Variants in DOC2B observed in about 807,000 individuals in gnomAD.
DOC2B encodes double C2 domain beta.
DOC2B carries 21 observed loss-of-function variants against 28.9 expected under a neutral mutation model. The observed-to-expected ratio is 0.73, with a 90% confidence interval of 0.52 to 1.05. DOC2B has a LOEUF of 1.05. Among genes scored for constraint, DOC2B ranks in the 50% least tolerant of loss-of-function variants. The pLI, the probability that DOC2B is intolerant of heterozygous loss-of-function variation, is 0.00. For missense variants in DOC2B, 384 were observed against 421.1 expected (o/e 0.91, Z 0.77); for synonymous variants, 194 against 178.1 (o/e 1.09, Z -0.71).
intron 3 of DOC2B, among the ~76,000 whole-genome samples, chr17:162,673 C>T (rs747706116): frequency 2.0e-5 from 3 of 152,238 alleles, no homozygotes; most frequent in Non-Finnish European, 4.4e-5. Context: ...CGAGAGTAAA[C>T]GCGCTGCTTT....
chr17:162,030 G>T, intron 4 of DOC2B, 51 bp downstream of exon 4: 1 of 1,304,986 alleles, frequency 7.7e-7, no homozygotes, highest in Non-Finnish European at 1.1e-6. Flanking sequence ...GGAAAAGCCG[G>T]GTGGGAGTAG....
Position 181,172 on chromosome 17 carries a change from G to C in DOC2B, c.308C>G (p.Ala103Gly). 1 of 1,252,346 alleles carries C rather than the reference G, an allele frequency of 8.0e-7. No individual in the cohort carries two copies. The highest frequency in any genetic ancestry group is 1.0e-6 in the Non-Finnish European group (1 of 999,492). The allele number at this position is 1,252,346 out of a possible 1,614,324, so 77.6% of individuals were successfully genotyped here. ...CTCCGGCGGCTTGGCTGGCGGCCGC[G>C]CGGGGCTGGGACCCGGGCTGGGGCC... ...SPGPSPGPSP[A>G]RPPAKPPEDE... is the part of the protein sequence containing the mutation. The change falls in exon 1 of 9, where the codon GCG becomes GGG. Residue 103 changes from alanine (A) to glycine (G), a missense_variant. Transcript: ENST00000613549. The surrounding 1 kb of genome is among the most constrained non-coding windows in gnomAD (Gnocchi z 7.0).
At chr17:156,130 G>A in intron 6 of DOC2B, 90 bp downstream of exon 6, 1 of 1,413,536 alleles carries the variant, frequency 7.1e-7, no homozygotes, top group Non-Finnish European at 9.4e-7. Flanking sequence ...CTCCCTGGGT[G>A]CCTGCCACCT....
intron 6 of DOC2B, among the ~76,000 whole-genome samples, chr17:151,839 C>G (rs1461698610): frequency 6.6e-6 from 1 of 152,208 alleles, no homozygotes; most frequent in Non-Finnish European, 1.5e-5. Context: ...ACCAGACTTC[C>G]ACGACAGGCT....
intron 5 of DOC2B, 136 bp downstream of exon 5, chr17:161,279 C>T (rs977380617): frequency 1.1e-6 from 1 of 934,594 alleles, no homozygotes; most frequent in Non-Finnish European, 1.6e-6. Flanking sequence ...CCCCTTGACT[C>T]TCCATGCTCA....
At chr17:173,227 G>A in intron 1 of DOC2B, among the ~76,000 whole-genome samples, 1 of 152,230 alleles carries the variant, frequency 6.6e-6, no homozygotes, top group African/African-American at 2.4e-5. Flanking sequence ...GGAGGGTGCA[G>A]CCATAATTGG....
intron 3 of DOC2B, 67 bp downstream of exon 3, chr17:164,063 C>T (rs908459686): frequency 8.4e-6 from 11 of 1,304,850 alleles, no homozygotes; most frequent in Non-Finnish European, 1.2e-5. Context: ...AGCAAAAGGA[C>T]CAGAGTGCAT....
rs541539816 is a variant in DOC2B, at chr17:171,932, G to C, written c.453+605C>G. Among the ~76,000 whole-genome samples, 708 of 129,314 alleles carry C rather than the reference G, an allele frequency of 5.5e-3. 1 individual carries two copies. Among genetic ancestry groups the C allele is most frequent in the Non-Finnish European group, 9.1e-3 (520 of 56,962 alleles). 84.8% of individuals were successfully genotyped at this position (129,314 alleles called of 152,430 possible). Reference sequence around the variant, plus strand: ...GCCAGGCTGCAGAGGGGAGCACCAGGGGCCGGGCCAGGCTGCAGAGGGGAG... The same window carrying C: ...GCCAGGCTGCAGAGGGGAGCACCAGCGGCCGGGCCAGGCTGCAGAGGGGAG... On this transcript the variant is annotated intron_variant, in intron 2 of 8. Coordinates refer to ENST00000613549, the MANE Select transcript of DOC2B (RefSeq NM_003585.5).
intron 2 of DOC2B, among the ~76,000 whole-genome samples, chr17:165,628 G>A (rs1555523802): frequency 6.6e-6 from 1 of 152,092 alleles, no homozygotes; most frequent in East Asian, 1.9e-4. Flanking sequence ...CCCGTGAGAC[G>A]CCGGAGAAGC....
chr17:143,571 C>T lies in DOC2B; in HGVS notation c.*3870G>A, dbSNP rs2039998611. The stretch of plus-strand genomic sequence containing the variant: ...CCATGTTGACCAGGCTGGTCTCGAA[C>T]TCCAGGCCTCAAGCAATTCTCCCAC... On this transcript the variant is annotated 3_prime_UTR_variant, in exon 9 of 9. Coordinates refer to ENST00000613549, the MANE Select transcript of DOC2B (RefSeq NM_003585.5). The T allele has an allele frequency of 6.6e-6, 1 of 152,110 alleles. No individual in the cohort carries two copies. The highest frequency in any genetic ancestry group is 2.4e-5 in the African/African-American group (1 of 41,376). The allele number at this position is 152,110 out of a possible 1,614,324, so 9.4% of individuals were successfully genotyped here.
Position 181,278 on chromosome 17 carries a change from C to G in DOC2B, c.202G>C (p.Gly68Arg). 1 of 1,202,092 alleles carries G rather than the reference C, an allele frequency of 8.3e-7. No individual in the cohort carries two copies. Among genetic ancestry groups the G allele is most frequent in the Non-Finnish European group, 1.0e-6 (1 of 969,334 alleles). 74.5% of individuals were successfully genotyped at this position (1,202,092 alleles called of 1,614,324 possible). ...GCGCCGTCGGAGGGGCTGCGGCGGC[C>G]GGCACCGGCCACAGCCGGGCGCGCG... The part of the protein sequence containing the change: ...APARPAVAGA[G>R]RRSPSDGARE... The change falls in exon 1 of 9, where the codon GGC becomes CGC. Residue 68 changes from glycine (G) to arginine (R), a missense_variant. By Grantham distance (125) the Gly-to-Arg change is moderately radical. Coordinates refer to ENST00000613549, the MANE Select transcript of DOC2B (RefSeq NM_003585.5). This position sits in a 1 kb window ranked among gnomAD's most constrained non-coding sequence, Gnocchi z 7.0.
Position 146,222 on chromosome 17 carries a change from A to C in DOC2B, c.*1219T>G, listed in dbSNP as rs1472443361. On this transcript the variant is annotated 3_prime_UTR_variant, in exon 9 of 9. Coordinates refer to ENST00000613549, the MANE Select transcript of DOC2B (RefSeq NM_003585.5). ...AAGGGACATCTGTGGCGGTAGTGGG[A>C]CCAAGATGCCACGAGCAAGCACCCG... is the stretch of plus-strand genomic sequence containing the variant. 6.6e-6 allele frequency: 1 copy of C among 152,332 alleles called. No homozygotes were observed. The highest frequency in any genetic ancestry group is 1.9e-4 in the East Asian group (1 of 5,190). 9.4% of individuals were successfully genotyped at this position (152,332 alleles called of 1,614,324 possible).
chr17:149,544 T>C (rs1232132607), intron 6 of DOC2B, among the ~76,000 whole-genome samples: 1 of 151,994 alleles, frequency 6.6e-6, no homozygotes, highest in Non-Finnish European at 1.5e-5. Flanking sequence ...AGAGTTGGTC[T>C]CTTGTTCAAA....
chr17:157,493 C>T (rs2040149451), intron 5 of DOC2B, among the ~76,000 whole-genome samples: 1 of 152,336 alleles, frequency 6.6e-6, no homozygotes, highest in South Asian at 2.1e-4. Flanking sequence ...CAGAGTCTGA[C>T]TCTTGTCACC....
At chr17:160,285 C>T (rs565326095) in intron 5 of DOC2B, among the ~76,000 whole-genome samples, 18 of 152,236 alleles carry the variant, frequency 1.2e-4, no homozygotes, top group African/African-American at 3.9e-4. Flanking sequence ...GTGGAAAAAC[C>T]GGGTTACCTG....
chr17:161,271 C>T, intron 5 of DOC2B, 144 bp downstream of exon 5: 1 of 868,598 alleles, frequency 1.2e-6, no homozygotes, highest in East Asian at 2.7e-5. Context: ...ACCTCCACCC[C>T]CTTGACTCTC....
rs143682981 is a variant in DOC2B, at chr17:169,123, T to C, written c.453+3414A>G. On this transcript the variant is annotated intron_variant, in intron 2 of 8. Transcript: ENST00000613549. Reference sequence around the variant, plus strand: ...GGTGAAGTGTTCGGAAGAGGAGCTTTCTAGTCTGAAGTATCATTCAGCCTG... The same window carrying C: ...GGTGAAGTGTTCGGAAGAGGAGCTTCCTAGTCTGAAGTATCATTCAGCCTG... Among the ~76,000 whole-genome samples, 1,207 of 152,206 alleles carry C rather than the reference T, an allele frequency of 7.9e-3. 11 individuals carry two copies. The highest frequency in any genetic ancestry group is 0.028 in the African/African-American group (1,142 of 41,524).
chr17:177,015 G>A (rs1802825722), intron 1 of DOC2B, among the ~76,000 whole-genome samples: 1 of 148,292 alleles, frequency 6.7e-6, no homozygotes, highest in African/African-American at 2.5e-5. Context: ...TTGGGAATAG[G>A]AAATCTGCCC....
intron 5 of DOC2B, among the ~76,000 whole-genome samples, chr17:156,887 CT>C (rs2040142181): frequency 6.6e-6 from 1 of 152,194 alleles, no homozygotes; most frequent in Non-Finnish European, 1.5e-5. Context: ...CTGGTTCTTA[CT>C]TTTTGGAATG....
Sources: gnomAD v4.1 joint callset for allele counts (sites outside exome capture counted in the v4.1 genomes callset) on GRCh38, gnomAD v4.1.1 for gene constraint, Gnocchi (gnomAD v3.1) non-coding constraint, MANE v1.5 for transcripts, NCBI Gene and HGNC (gene_info 2026-07-23, HGNC 2026-07-21) for gene names.